Variants in URI1 observed in about 807,000 individuals in gnomAD.
The protein encoded by URI1 is unconventional prefoldin RPB5 interactor 1.
URI1 carries 39 observed loss-of-function variants against 60.2 expected under a neutral mutation model. That is an observed-to-expected ratio of 0.65 (90% CI 0.50 to 0.85). The LOEUF (loss-of-function observed/expected upper bound fraction) is 0.85. Among genes scored for constraint, URI1 ranks in the 40% least tolerant of loss-of-function variants. The pLI is 0.00. For synonymous variants in URI1, 251 were observed against 236.8 expected (o/e 1.06, Z -0.55); for missense variants, 691 against 665.9 (o/e 1.04, Z -0.42).
At position 30,005,350 on chromosome 19, in the gene URI1, C is replaced by A; in HGVS notation, c.368-11C>A. The A allele has an allele frequency of 2.0e-6, 3 of 1,493,430 alleles. No homozygotes were observed. The highest frequency in any genetic ancestry group is 1.2e-5 in the South Asian group (1 of 83,386). The allele number at this position is 1,493,430 out of a possible 1,614,324, so 92.5% of individuals were successfully genotyped here. A position where few individuals can be genotyped will look rare whatever the true frequency, so the allele number is the denominator to read the frequency against. Reference sequence around the variant, plus strand: ...CCATGCTTTACATAATGGTTGTGTTCATTGTTTCAGATGTAAGAAAAACAA... The same window carrying A: ...CCATGCTTTACATAATGGTTGTGTTAATTGTTTCAGATGTAAGAAAAACAA... On this transcript the variant is annotated splice_polypyrimidine_tract_variant and intron_variant, in intron 4 of 10. Coordinates refer to ENST00000392271, the MANE Select transcript of URI1 (RefSeq NM_003796.3).
chr19:29,944,237 T>C (rs1468862270), intron 1 of URI1, among the ~76,000 whole-genome samples: 1 of 136,702 alleles, frequency 7.3e-6, no homozygotes, highest in Non-Finnish European at 1.6e-5. Context: ...GACATTAATG[T>C]ATTTTTTTAA....
chr19:30,015,559 A>T lies in URI1; in HGVS notation c.*490A>T, dbSNP rs1482959904. The stretch of plus-strand genomic sequence containing the variant: ...AGGTTTTGCGGCTAGTTGGCTATTC[A>T]AGAAACCTCGCCCCTCTGAATGTCA... On this transcript the variant is annotated 3_prime_UTR_variant, in exon 11 of 11. Transcript: ENST00000392271. 49 of 1,535,144 alleles carry T rather than the reference A, an allele frequency of 3.2e-5. No individual in the cohort carries two copies. The highest frequency in any genetic ancestry group is 4.2e-5 in the Non-Finnish European group (48 of 1,146,382).
intron 1 of URI1, among the ~76,000 whole-genome samples, chr19:29,962,709 A>G (rs1834091038): frequency 6.6e-6 from 1 of 151,078 alleles, no homozygotes; most frequent in African/African-American, 2.4e-5. Context: ...GATCACACTT[A>G]TTTAATAACA....
chr19:29,990,396 G>T (rs535051220), intron 4 of URI1, among the ~76,000 whole-genome samples: 2 of 152,312 alleles, frequency 1.3e-5, no homozygotes, highest in Admixed American at 6.5e-5. Context: ...CACCTAGATA[G>T]TATTCTACCC....
intron 4 of URI1, among the ~76,000 whole-genome samples, chr19:29,990,063 T>C (rs1474898310): frequency 6.6e-6 from 1 of 152,206 alleles, no homozygotes; most frequent in African/African-American, 2.4e-5. Context: ...AATTTTTGTT[T>C]GAGGTGTGGG....
At chr19:29,975,302 C>T (rs924508326) in intron 2 of URI1, among the ~76,000 whole-genome samples, 4 of 151,840 alleles carry the variant, frequency 2.6e-5, no homozygotes. Flanking sequence ...GAATCTAAGC[C>T]GTATCATTCC....
chr19:29,945,740 T>G lies in URI1; in HGVS notation c.117+3076T>G, dbSNP rs572988093. Among the ~76,000 whole-genome samples, 431 of 152,236 alleles carry G rather than the reference T, an allele frequency of 2.8e-3. 8 individuals are homozygous for G. The highest frequency in any genetic ancestry group is 2.1e-3 in the Non-Finnish European group (140 of 68,010). On this transcript the variant is annotated intron_variant, in intron 1 of 10. Transcript: ENST00000392271. ...GTAGGCATTGAAAACTAGGACAGTA[T>G]GTATAGGGTGGTTCCAGTTACGTTT...
chr19:29,990,866 A>T (rs1455630650), intron 4 of URI1, among the ~76,000 whole-genome samples: 1 of 152,202 alleles, frequency 6.6e-6, no homozygotes, highest in Non-Finnish European at 1.5e-5. Context: ...ATTGTATGTT[A>T]TGTGAATTAT....
At chr19:30,011,449 C>A (rs1315139728) in intron 9 of URI1, among the ~76,000 whole-genome samples, 1 of 149,454 alleles carries the variant, frequency 6.7e-6, no homozygotes, top group Non-Finnish European at 1.5e-5. Context: ...TTTTCACTTT[C>A]TCCTCTTCAC....
rs534640578 is a variant in URI1 at position 29,969,160 on chromosome 19, A to G, written c.118-2033A>G. Among the ~76,000 whole-genome samples, 33 of 152,330 alleles carry G rather than the reference A, an allele frequency of 2.2e-4. 1 individual carries two copies. Among genetic ancestry groups the G allele is most frequent in the Non-Finnish European group, 3.8e-4 (26 of 68,022 alleles). ...AAGTCTCTGATATTCTACACACTAT[A>G]TGTAACTAATAAAGACTTTAAAATG... On this transcript the variant is annotated intron_variant, in intron 1 of 10. Transcript: ENST00000392271.
At chr19:29,957,051 A>G in intron 1 of URI1, 1 of 564,662 alleles carries the variant, frequency 1.8e-6, no homozygotes, top group Non-Finnish European at 3.1e-6. Context: ...TGCAAATTGG[A>G]TGATGTCATT....
intron 4 of URI1, among the ~76,000 whole-genome samples, chr19:29,989,847 C>T (rs897299536): frequency 6.6e-6 from 1 of 151,136 alleles, no homozygotes; most frequent in African/African-American, 2.4e-5. Flanking sequence ...TGCATCTTGT[C>T]TTTTCATTCT....
intron 1 of URI1, among the ~76,000 whole-genome samples, chr19:29,935,761 TC>T (rs1308990012): frequency 3.6e-4 from 11 of 30,598 alleles, no homozygotes; most frequent in African/African-American, 1.1e-3. Context: ...GGCCTCTGGT[TC>T]CTTTTCTTTT....
At chr19:30,002,491 A>G (rs2055890812) in intron 4 of URI1, among the ~76,000 whole-genome samples, 1 of 152,026 alleles carries the variant, frequency 6.6e-6, no homozygotes, top group South Asian at 2.1e-4. Flanking sequence ...AGACTTTAAA[A>G]TATTAGCTTA....
chr19:29,956,134 G>A (rs556953442), intron 1 of URI1, among the ~76,000 whole-genome samples: 3 of 151,494 alleles, frequency 2.0e-5, no homozygotes, highest in South Asian at 4.2e-4. Flanking sequence ...ACAGGTGCCC[G>A]CCACCACACC....
intron 1 of URI1, among the ~76,000 whole-genome samples, chr19:29,927,678 C>A (rs1195772532): frequency 1.4e-5 from 2 of 146,564 alleles, no homozygotes; most frequent in Non-Finnish European, 3.0e-5. Flanking sequence ...CTGGGTTCAA[C>A]CAATTCTCAT....
upstream of URI1, among the ~76,000 whole-genome samples, chr19:29,940,417 G>T (rs138849929): frequency 6.6e-6 from 1 of 152,218 alleles, no homozygotes; most frequent in East Asian, 1.9e-4. Flanking sequence ...AGGAGGCCAA[G>T]GCGGGTGGAT....
At chr19:29,983,093 G>A (rs2055618990) in intron 2 of URI1, 1 of 152,112 alleles carries the variant, frequency 6.6e-6, no homozygotes, top group South Asian at 2.1e-4. Context: ...GAGGATTTTT[G>A]CCTTAAACAA....
At chr19:29,932,662 T>TC (rs2054932197) in intron 1 of URI1, among the ~76,000 whole-genome samples, 1 of 148,926 alleles carries the variant, frequency 6.7e-6, no homozygotes, top group Non-Finnish European at 1.5e-5. Flanking sequence ...TCCTTTTTTT[T>TC]TTTTTTTAGA....
Sources: allele counts gnomAD v4.1 joint callset (sites outside exome capture counted in the v4.1 genomes callset), GRCh38; gene constraint gnomAD v4.1.1; transcripts MANE v1.5; gene names NCBI Gene and HGNC (gene_info 2026-07-23, HGNC 2026-07-21).